RBM33: variants seen among roughly 807,000 people sequenced by gnomAD.
RBM33 encodes RNA binding motif protein 33, also known as RNA-binding protein 33.
Under a neutral mutation model 132.6 loss-of-function variants are expected in RBM33, and 28 were observed. The ratio of observed to expected loss-of-function variants is 0.21; its 90% CI spans 0.16 to 0.29. RBM33 has a LOEUF of 0.29. Among genes scored for constraint, RBM33 ranks in the 10% least tolerant of loss-of-function variants. RBM33 has a pLI of 1.00. For synonymous variants in RBM33, 634 were observed against 593.0 expected (o/e 1.07, Z -1.01); for missense variants, 1,291 against 1,518.5 (o/e 0.85, Z 2.49).
intron 12 of RBM33, among the ~76,000 whole-genome samples, chr7:155,740,644 A>G (rs1801301329): frequency 6.6e-6 from 1 of 152,236 alleles, no homozygotes; most frequent in Admixed American, 6.5e-5. Flanking sequence ...CTGGGAAACA[A>G]TGTATTGCTC....
chr7:155,676,776 C>A (rs1385788472), intron 3 of RBM33, among the ~76,000 whole-genome samples: 3 of 152,198 alleles, frequency 2.0e-5, no homozygotes, highest in Admixed American at 6.5e-5. Flanking sequence ...TAGCCTAGCT[C>A]TCCATTCCAG....
At chr7:155,731,729 G>T (rs1458453390) in intron 9 of RBM33, among the ~76,000 whole-genome samples, 1 of 152,206 alleles carries the variant, frequency 6.6e-6, no homozygotes, top group Non-Finnish European at 1.5e-5. Context: ...GATTTCAATT[G>T]ATGGTGGGTA....
intron 14 of RBM33, among the ~76,000 whole-genome samples, chr7:155,751,298 G>A (rs1261875394): frequency 1.3e-5 from 2 of 152,078 alleles, no homozygotes; most frequent in African/African-American, 4.8e-5. Context: ...CCAAACCTTT[G>A]AGAGTAGGTT....
rs753095803 is a variant in RBM33, at chr7:155,644,901, G to A, written c.25G>A (p.Gly9Arg). Residue 9 changes from glycine to arginine, a missense_variant, in exon 1 of 18, where the codon GGA (glycine) becomes AGA (arginine). By Grantham distance (125) the Gly-to-Arg change is moderately radical. Around this residue, in one of 7 missense-constraint regions of RBM33, gnomAD observed 194 missense variants for 249.8 expected, o/e 0.78. Coordinates refer to ENST00000401878, the MANE Select transcript of RBM33 (RefSeq NM_053043.3). Reference protein sequence around the residue: MAAALGASGGAGAGDDDFD... With the variant: MAAALGASRGAGAGDDDFD... The stretch of plus-strand genomic sequence containing the variant: ...CATGGCGGCCGCCCTGGGAGCGAGC[G>A]GAGGAGCAGGCGCCGGAGGTACGTG... 3 of 1,500,054 alleles carry A rather than the reference G, an allele frequency of 2.0e-6. No individual in the cohort carries two copies. The East Asian group carries it at 8.3e-5, about 42-fold the overall frequency. 92.9% of individuals were successfully genotyped at this position (1,500,054 alleles called of 1,614,324 possible). A position where few individuals can be genotyped will look rare whatever the true frequency, so the allele number is the denominator to read the frequency against.
At chr7:155,668,672 T>C (rs891367333) in intron 2 of RBM33, among the ~76,000 whole-genome samples, 5 of 152,242 alleles carry the variant, frequency 3.3e-5, no homozygotes, top group South Asian at 2.1e-4. Context: ...AGAGATTACA[T>C]AGAAAAGACA....
intron 16 of RBM33, among the ~76,000 whole-genome samples, chr7:155,771,658 T>TA (rs1184118217): frequency 6.6e-6 from 1 of 152,194 alleles, no homozygotes; most frequent in African/African-American, 2.4e-5. Flanking sequence ...CCAAAGGAAA[T>TA]AAAGTCACCA....
Position 155,700,830 on chromosome 7 carries a change from G to C in RBM33, c.625G>C (p.Glu209Gln). 6.2e-7 allele frequency: 1 copy of C among 1,602,258 alleles called. No individual in the cohort carries two copies. The highest frequency in any genetic ancestry group is 8.5e-7 in the Non-Finnish European group (1 of 1,173,894). ...KDIKEESDEE[E>Q]EDDEESGRLR... ...CATCAAAGAAGAATCAGATGAAGAA[G>C]AAGAAGATGATGAAGAATCTGGACG... Residue 209 changes from glutamate (E) to glutamine (Q), a missense_variant, in exon 6 of 18, where the codon GAA becomes CAA. By Grantham distance (29) the Glu-to-Gln change is conservative. Around this residue, in one of 7 missense-constraint regions of RBM33, gnomAD observed 194 missense variants for 249.8 expected, o/e 0.78. Transcript: ENST00000401878.
chr7:155,666,221 G>C (rs960330722), intron 2 of RBM33, among the ~76,000 whole-genome samples: 4 of 152,200 alleles, frequency 2.6e-5, no homozygotes, highest in African/African-American at 9.7e-5. Context: ...CCAGTGTTCT[G>C]TGAACCAGGG....
intron 9 of RBM33, among the ~76,000 whole-genome samples, chr7:155,727,270 A>T (rs901255884): frequency 6.6e-6 from 1 of 151,778 alleles, no homozygotes; most frequent in Admixed American, 6.6e-5. Flanking sequence ...AGCTCCCCCC[A>T]CCCATCCCCC....
chr7:155,774,861 G>A lies in RBM33; in HGVS notation c.3465-132G>A. On this transcript the variant is annotated intron_variant, in intron 17 of 17. Transcript: ENST00000401878. The surrounding 1 kb of genome is among the most constrained non-coding windows in gnomAD (Gnocchi z 4.2). ...CCTTGTGTTTTAATAGATCTTCCCG[G>A]GGAATCTGCCTTTTTATATGATGCG... 1 of 841,282 alleles carries A rather than the reference G, an allele frequency of 1.2e-6. No homozygotes were observed. Among genetic ancestry groups the A allele is most frequent in the Non-Finnish European group, 1.9e-6 (1 of 518,040 alleles). 52.1% of individuals were successfully genotyped at this position (841,282 alleles called of 1,614,324 possible). A position where few individuals can be genotyped will look rare whatever the true frequency, so the allele number is the denominator to read the frequency against.
chr7:155,708,737 G>A (rs534489728), intron 7 of RBM33, among the ~76,000 whole-genome samples: 4 of 152,244 alleles, frequency 2.6e-5, no homozygotes, highest in Admixed American at 6.5e-5. Context: ...CAATAGTCTC[G>A]TCTTTGCTAA....
intron 9 of RBM33, among the ~76,000 whole-genome samples, chr7:155,722,306 G>A (rs1800652444): frequency 1.3e-5 from 2 of 152,136 alleles, no homozygotes; most frequent in Admixed American, 1.3e-4. Context: ...CCATCTACTA[G>A]TCCATTTAAT....
intron 1 of RBM33, among the ~76,000 whole-genome samples, chr7:155,664,861 A>G (rs1798758069): frequency 6.6e-6 from 1 of 152,098 alleles, no homozygotes; most frequent in South Asian, 2.1e-4. Context: ...TCTTTCATGC[A>G]GTAAAAAAAC....
intron 16 of RBM33, among the ~76,000 whole-genome samples, chr7:155,773,264 C>T (rs1490570687): frequency 1.3e-5 from 2 of 152,160 alleles, no homozygotes; most frequent in Admixed American, 1.3e-4. Flanking sequence ...CCAGGGACAC[C>T]TGTTCTTAGA....
intron 9 of RBM33, among the ~76,000 whole-genome samples, chr7:155,729,742 CAAAAAA>C (rs5888634): frequency 3.9e-5 from 4 of 101,316 alleles, no homozygotes; most frequent in African/African-American, 9.4e-5. Flanking sequence ...GTCTCTTTAA[CAAAAAA>C]AAAAAAAAAA....
At chr7:155,694,029 A>G (rs1034682266) in intron 5 of RBM33, among the ~76,000 whole-genome samples, 3 of 152,062 alleles carry the variant, frequency 2.0e-5, no homozygotes, top group African/African-American at 7.2e-5. Flanking sequence ...GTTGTGCCCC[A>G]TCTGTGTTGC....
chr7:155,674,169 A>G (rs1261328380), intron 3 of RBM33, among the ~76,000 whole-genome samples: 2 of 151,258 alleles, frequency 1.3e-5, no homozygotes, highest in East Asian at 1.9e-4. Context: ...TTGTAAATCC[A>G]CCTGATTTAA....
rs10556581 is a variant in RBM33, at chr7:155,735,691, GTC to G, written c.1261-1813_1261-1812del. On this transcript the variant is annotated intron_variant, in intron 9 of 17. Coordinates refer to ENST00000401878, the MANE Select transcript of RBM33 (RefSeq NM_053043.3). ...AGCCTGGGTAACAGAGCAAGACCCT[GTC>G]TCTCTCTCTCTCTCTCTCTCTCTCT... Among the ~76,000 whole-genome samples the G allele has an allele frequency of 2.2e-3, 327 of 146,554 alleles. 1 individual carries two copies. The highest frequency in any genetic ancestry group is 7.0e-3 in the Middle Eastern group (2 of 286).
intron 14 of RBM33, among the ~76,000 whole-genome samples, chr7:155,758,130 C>A (rs10254071): frequency 0.26 from 39,946 of 152,076 alleles, 5,933 homozygotes; most frequent in African/African-American, 0.4. Context: ...ACCCTAGTAC[C>A]TTTCTTGTCC....
Sources: gnomAD v4.1 joint callset for allele counts (sites outside exome capture counted in the v4.1 genomes callset) on GRCh38, gnomAD v4.1.1 for gene constraint, gnomAD v4.1.1 regional missense constraint, Gnocchi (gnomAD v3.1) non-coding constraint, MANE v1.5 for transcripts, NCBI Gene and HGNC (gene_info 2026-07-23, HGNC 2026-07-21) for gene names.